THUMPD2: variants seen among roughly 807,000 people sequenced by gnomAD.
THUMPD2 encodes the protein THUMP domain 2 tRNA and snRNA guanosine methyltransferase.
THUMPD2 carries 56 observed loss-of-function variants against 49.4 expected under a neutral mutation model. The ratio of observed to expected loss-of-function variants is 1.13; its 90% CI spans 0.91 to 1.41. The LOEUF is 1.41. THUMPD2 is among the 40% of genes most tolerant of loss of function. The probability of loss-of-function intolerance (pLI) is 0.00; values close to 1 mark genes in which losing one functional copy is unlikely to be tolerated. For synonymous variants in THUMPD2, 237 were observed against 205.2 expected, an observed-to-expected ratio of 1.15 and a Z score of -1.32; for missense variants, 709 against 594.5, an observed-to-expected ratio of 1.19 and a Z score of -2.00.
At chr2:39,766,728 C>T (rs78449249) in intron 4 of THUMPD2, among the ~76,000 whole-genome samples, 2,394 of 152,228 alleles carry the variant, frequency 0.016, 46 homozygotes, top group East Asian at 0.069. Flanking sequence ...ATTTTAAATG[C>T]TGTTATGAAC....
rs77986535 is a variant in THUMPD2, at chr2:39,740,342, A to G, written c.1188-3283T>C. Among the ~76,000 whole-genome samples, 625 of 152,382 alleles carry G rather than the reference A, an allele frequency of 4.1e-3. 10 individuals carry two copies. Among genetic ancestry groups the G allele is most frequent in the African/African-American group, 0.014 (569 of 41,594 alleles). On this transcript the variant is annotated intron_variant, in intron 9 of 9. Transcript: ENST00000505747. The stretch of plus-strand genomic sequence containing the variant: ...ATAATGTATATTGTAACAACTGATC[A>G]GAAAGGAGATTCATGACATTGTTGA...
intron 1 of THUMPD2, among the ~76,000 whole-genome samples, chr2:39,777,530 A>C (rs956112260): frequency 6.6e-6 from 1 of 152,242 alleles, no homozygotes; most frequent in Non-Finnish European, 1.5e-5. Flanking sequence ...GGATTAAATC[A>C]TAACATGCAC....
rs539963200 is a variant in THUMPD2 at position 39,772,762 on chromosome 2, C to A, written c.127-1122G>T. On this transcript the variant is annotated intron_variant, in intron 1 of 9. Coordinates refer to ENST00000505747, the MANE Select transcript of THUMPD2 (RefSeq NM_025264.5). ...ATTGAATAACATGGTTCTAAATAAT[C>A]TCCTAGAACACAGACACCAGGGAAT... Among the ~76,000 whole-genome samples, 7 of 152,266 alleles carry A rather than the reference C, an allele frequency of 4.6e-5. 1 individual carries two copies. The South Asian group carries it at 1.5e-3, about 32-fold the overall frequency.
intron 1 of THUMPD2, among the ~76,000 whole-genome samples, chr2:39,778,740 A>G (rs549980755): frequency 6.6e-6 from 1 of 152,382 alleles, no homozygotes; most frequent in East Asian, 1.9e-4. Context: ...AAACTAACAA[A>G]AAGTCAGGTA....
At chr2:39,738,298 C>T (rs1412262262) in intron 9 of THUMPD2, among the ~76,000 whole-genome samples, 1 of 152,168 alleles carries the variant, frequency 6.6e-6, no homozygotes, top group African/African-American at 2.4e-5. Flanking sequence ...CATGGTGGCT[C>T]ACACCTGTAA....
In THUMPD2 at chr2:39,755,565, G is replaced by A. The variant is rs1675990472; in HGVS notation, c.964-156C>T. On this transcript the variant is annotated intron_variant, in intron 7 of 9. Transcript: ENST00000505747. ...AGGGTATTCTTTTAAAATCATAGTA[G>A]CAAAAAATGTAAAGTTTTTGTTAAA... 2.6e-5 allele frequency among the ~76,000 whole-genome samples: 4 copies of A among 152,158 alleles called. No individual in the cohort carries two copies. In the South Asian group the frequency reaches 8.3e-4, roughly 32 times the overall value.
At chr2:39,776,876 C>A (rs1679183619) in intron 1 of THUMPD2, among the ~76,000 whole-genome samples, 1 of 152,124 alleles carries the variant, frequency 6.6e-6, no homozygotes, top group African/African-American at 2.4e-5. Context: ...AAAAGAAAAC[C>A]TTTTGGGGCT....
intron 8 of THUMPD2, chr2:39,744,750 A>G (rs141586953): frequency 5.2e-5 from 12 of 230,452 alleles, no homozygotes; most frequent in African/African-American, 2.7e-4. Flanking sequence ...AGAAAACTCA[A>G]TTCTCTAAAT....
chr2:39,770,991 G>A (rs540856997), intron 2 of THUMPD2, among the ~76,000 whole-genome samples: 1 of 152,140 alleles, frequency 6.6e-6, no homozygotes, highest in South Asian at 2.1e-4. Flanking sequence ...AAAATTTAGA[G>A]AGTGGACAAG....
At chr2:39,751,383 A>G (rs1206075114) in intron 8 of THUMPD2, among the ~76,000 whole-genome samples, 1 of 152,250 alleles carries the variant, frequency 6.6e-6, no homozygotes, top group Non-Finnish European at 1.5e-5. Flanking sequence ...TTATAAACCT[A>G]CACTTAAGTG....
intron 4 of THUMPD2, among the ~76,000 whole-genome samples, chr2:39,767,375 C>T (rs1336978800): frequency 2.0e-5 from 3 of 151,516 alleles, no homozygotes; most frequent in South Asian, 2.1e-4. Flanking sequence ...GAGGCCGAGG[C>T]GGGCGGATCA....
At position 39,755,791 on chromosome 2, in the gene THUMPD2, C is replaced by G. The variant is rs188605117; in HGVS notation, c.963+98G>C. 2.5e-4 allele frequency: 239 copies of G among 963,468 alleles called. 4 individuals carry two copies. The East Asian group carries it at 3.0e-3, about 12-fold the overall frequency. The allele number at this position is 963,468 out of a possible 1,614,324, so 59.7% of individuals were successfully genotyped here. On this transcript the variant is annotated intron_variant, in intron 7 of 9. Transcript: ENST00000505747. ...AATAACTCATATAATTAAAAATAAT[C>G]CCCAAATAGACATTCTACTTGTAAA...
intron 1 of THUMPD2, among the ~76,000 whole-genome samples, chr2:39,776,332 C>T (rs1441879631): frequency 1.3e-5 from 2 of 151,458 alleles, no homozygotes; most frequent in African/African-American, 4.9e-5. Flanking sequence ...AGAATTCCAA[C>T]TTACAGGAAA....
chr2:39,761,362 G>T lies in THUMPD2; in HGVS notation c.860C>A (p.Ala287Glu), dbSNP rs373324639. ...GTCAGCCAGAGATGCCATTGCCCACGCTATTGTAGATCGCAGTCCAGCTGT... is the reference window on the plus strand; with the variant it reads ...GTCAGCCAGAGATGCCATTGCCCACTCTATTGTAGATCGCAGTCCAGCTGT... ...IKTAGLRSTI[A>E]WAMASLADIK... Residue 287 changes from alanine (A) to glutamate (E), a missense_variant, in exon 6 of 10, where the codon GCG becomes GAG. Transcript: ENST00000505747. The T allele has an allele frequency of 3.7e-6, 6 of 1,613,618 alleles. No individual in the cohort carries two copies. The African/African-American group carries it at 8.0e-5, about 22-fold the overall frequency.
At position 39,736,955 on chromosome 2, in the gene THUMPD2, C is replaced by G. The variant is rs1673159887; in HGVS notation, c.1292G>C (p.Ser431Thr). The G allele has an allele frequency of 6.2e-7, 1 of 1,613,930 alleles. No homozygotes were observed. Reference protein sequence around the residue: ...ESNIPFNSKDSHTDEPGIKKC... With the variant: ...ESNIPFNSKDTHTDEPGIKKC... ...TTTAATTCCAGGTTCATCTGTGTGA[C>G]TGTCCTTGGAATTGAAAGGGATGTT... Residue 431 changes from serine to threonine, a missense_variant, in exon 10 of 10, where the codon AGT (serine) becomes ACT (threonine). Ser to Thr is a moderately conservative substitution (Grantham distance 58). Transcript: ENST00000505747.
intron 9 of THUMPD2, among the ~76,000 whole-genome samples, chr2:39,743,091 TA>T (rs1674115869): frequency 6.6e-6 from 1 of 152,232 alleles, no homozygotes; most frequent in African/African-American, 2.4e-5. Context: ...GAGCTTAGAC[TA>T]AGTGTCAAGA....
chr2:39,775,753 A>G (rs13021183), intron 1 of THUMPD2, among the ~76,000 whole-genome samples: 1 of 128,078 alleles, frequency 7.8e-6, no homozygotes, highest in Non-Finnish European at 1.6e-5. Context: ...ACAGAGTAAC[A>G]CTATGTCAAA....
At chr2:39,765,958 C>T in intron 5 of THUMPD2, 99 bp downstream of exon 5, 4 of 943,208 alleles carry the variant, frequency 4.2e-6, no homozygotes, top group Admixed American at 5.3e-5. Context: ...TTAGCCTTCT[C>T]TGTTATATGA....
In THUMPD2 at chr2:39,769,839, G is replaced by A. The variant is rs751564515; in HGVS notation, c.543C>T (p.Ser181=). ...GAAATTCTTCTTCTTGAAACTTTTCGCTTTTAGTGGTAAAATCTCTTTGCT... is the reference window on the plus strand; with the variant it reads ...GAAATTCTTCTTCTTGAAACTTTTCACTTTTAGTGGTAAAATCTCTTTGCT... ...TLEQRDFTTK[S]EKFQEEEFQN... Residue 181 remains serine (S), a synonymous_variant, in exon 3 of 10, where the codon AGC becomes AGT. Transcript: ENST00000505747. 5.0e-5 allele frequency: 80 copies of A among 1,611,394 alleles called. No homozygotes were observed. Among genetic ancestry groups the A allele is most frequent in the Non-Finnish European group, 6.4e-5 (76 of 1,179,088 alleles).
Sources: allele counts gnomAD v4.1 joint callset (sites outside exome capture counted in the v4.1 genomes callset), GRCh38; gene constraint gnomAD v4.1.1; transcripts MANE v1.5; gene names NCBI Gene and HGNC (gene_info 2026-07-23, HGNC 2026-07-21).